DNAH9: variants seen among roughly 807,000 people sequenced by gnomAD.
DNAH9 encodes DNAH9 variant protein.
DNAH9 carries 345 observed loss-of-function variants against 471.6 expected under a neutral mutation model. That is an observed-to-expected ratio of 0.73 (90% CI 0.67 to 0.80). DNAH9 has a LOEUF of 0.80. DNAH9 is among the 30% of genes least tolerant of loss of function. The pLI is 0.00. For synonymous variants in DNAH9, 2,093 were observed against 2,123.6 expected, an observed-to-expected ratio of 0.99 and a Z score of 0.40; for missense variants, 5,407 against 5,609.2, an observed-to-expected ratio of 0.96 and a Z score of 1.15.
At position 11,937,624 on chromosome 17, in the gene DNAH9, C is replaced by A; in HGVS notation, c.12660+102C>A. 7.5e-7 allele frequency: 1 copy of A among 1,327,506 alleles called. No individual in the cohort carries two copies. Among genetic ancestry groups the A allele is most frequent in the Non-Finnish European group, 1.0e-6 (1 of 1,003,066 alleles). 82.2% of individuals were successfully genotyped at this position (1,327,506 alleles called of 1,614,324 possible). Reference sequence around the variant, plus strand: ...CCATTTTGGCAGTACACAGCATAGACAACACACAAAGCACCAACCACCTGC... The same window carrying A: ...CCATTTTGGCAGTACACAGCATAGAAAACACACAAAGCACCAACCACCTGC... On this transcript the variant is annotated intron_variant, in intron 66 of 68. Transcript: ENST00000262442. This position sits in a 1 kb window ranked among gnomAD's most constrained non-coding sequence, Gnocchi z 4.1.
intron 6 of DNAH9, among the ~76,000 whole-genome samples, chr17:11,627,837 A>G (rs750836446): frequency 3.0e-4 from 46 of 152,278 alleles, no homozygotes; most frequent in Non-Finnish European, 6.2e-4. Context: ...CTCCTTGCCA[A>G]GCAGGGAAAG....
In DNAH9 at chr17:11,734,241, C is replaced by T. The variant is rs527535222; in HGVS notation, c.5815-4639C>T. The stretch of plus-strand genomic sequence containing the variant: ...CAGAATCTTCATGTTAACACACCCT[C>T]CAGTGATTACTACGCACAATAAAAT... On this transcript the variant is annotated intron_variant, in intron 28 of 68. Transcript: ENST00000262442. Among the ~76,000 whole-genome samples the T allele has an allele frequency of 2.4e-4, 36 of 152,304 alleles. No homozygotes were observed. The South Asian group carries it at 3.5e-3, about 15-fold the overall frequency.
chr17:11,902,849 C>G lies in DNAH9; in HGVS notation c.11537C>G (p.Thr3846Arg). The part of the protein sequence containing the change: ...EKLPQEWKNK[T>R]ALQRLCMLRA... Reference sequence around the variant, plus strand: ...CTCCCACAGGAGTGGAAGAACAAGACAGCCCTGCAGCGCCTCTGCATGCTG... The same window carrying G: ...CTCCCACAGGAGTGGAAGAACAAGAGAGCCCTGCAGCGCCTCTGCATGCTG... The change falls in exon 60 of 69, where the codon ACA becomes AGA. Residue 3846 changes from threonine (T) to arginine (R), a missense_variant. Physicochemically the swap from Thr to Arg is moderately conservative, Grantham distance 71. Transcript: ENST00000262442. 1 of 1,613,974 alleles carries G rather than the reference C, an allele frequency of 6.2e-7. No individual in the cohort carries two copies.
intron 28 of DNAH9, among the ~76,000 whole-genome samples, chr17:11,729,731 C>T (rs572169796): frequency 6.6e-6 from 1 of 152,340 alleles, no homozygotes; most frequent in East Asian, 1.9e-4. Context: ...ACTGAGCCAG[C>T]ATCATCCTTG....
chr17:11,796,727 C>G (rs779133389), intron 42 of DNAH9, among the ~76,000 whole-genome samples: 2 of 152,216 alleles, frequency 1.3e-5, no homozygotes, highest in East Asian at 3.9e-4. Context: ...TCTTAGAAAG[C>G]CTATTCTTTC....
intron 36 of DNAH9, among the ~76,000 whole-genome samples, 190 bp downstream of exon 36, chr17:11,763,804 T>G (rs1476612999): frequency 6.6e-6 from 1 of 152,214 alleles, no homozygotes; most frequent in Non-Finnish European, 1.5e-5. Context: ...TAGGGTGAGA[T>G]ACATGAGGTC....
At chr17:11,783,777 C>T in intron 40 of DNAH9, 29 bp downstream of exon 40, 2 of 1,571,732 alleles carry the variant, frequency 1.3e-6, no homozygotes, top group Non-Finnish European at 1.8e-6. Flanking sequence ...GACCTGGGTC[C>T]TAATCCTATC....
At chr17:11,885,825 C>T (rs992792668) in intron 56 of DNAH9, among the ~76,000 whole-genome samples, 11 of 152,098 alleles carry the variant, frequency 7.2e-5, no homozygotes, top group Non-Finnish European at 1.0e-4. Context: ...TTGTAATACT[C>T]CTGCAGTTTG....
Position 11,608,765 on chromosome 17 carries a change from C to G in DNAH9, c.614+440C>G, listed in dbSNP as rs375927101. Among the ~76,000 whole-genome samples the G allele has an allele frequency of 2.0e-3, 307 of 152,298 alleles. 2 individuals carry two copies. The highest frequency in any genetic ancestry group is 7.2e-3 in the African/African-American group (299 of 41,552). On this transcript the variant is annotated intron_variant, in intron 2 of 68. Coordinates refer to ENST00000262442, the MANE Select transcript of DNAH9 (RefSeq NM_001372.4). ...TGTTACAGTTCCAGACTCTCCTCCC[C>G]CAGCAGCTGAAGACTTTTTACAGGT...
Position 11,969,296 on chromosome 17 carries a change from T to A in DNAH9, c.13234-4T>A, listed in dbSNP as rs374732539. 9.3e-6 allele frequency: 15 copies of A among 1,613,394 alleles called. No homozygotes were observed. The highest frequency in any genetic ancestry group is 1.3e-5 in the Non-Finnish European group (15 of 1,179,698). On this transcript the variant is annotated splice_region_variant and splice_polypyrimidine_tract_variant and intron_variant, in intron 68 of 68. Coordinates refer to ENST00000262442, the MANE Select transcript of DNAH9 (RefSeq NM_001372.4). Reference sequence around the variant, plus strand: ...AGGTGCCTCTTCTCATGTTTTATCCTCAGGCTGGGATCATTACAGAGGCAA... The same window carrying A: ...AGGTGCCTCTTCTCATGTTTTATCCACAGGCTGGGATCATTACAGAGGCAA...
chr17:11,919,808 G>A (rs1974076926), intron 61 of DNAH9, among the ~76,000 whole-genome samples: 1 of 151,886 alleles, frequency 6.6e-6, no homozygotes, highest in South Asian at 2.1e-4. Flanking sequence ...AGGTAAAGCT[G>A]AAATTAGAAA....
intron 12 of DNAH9, among the ~76,000 whole-genome samples, chr17:11,647,474 A>G (rs1020746175): frequency 2.0e-5 from 3 of 152,056 alleles, no homozygotes; most frequent in African/African-American, 7.2e-5. Context: ...TTTGGGATGA[A>G]TTCTGGGGTG....
chr17:11,842,651 C>A (rs919669675), intron 49 of DNAH9, among the ~76,000 whole-genome samples: 3 of 152,140 alleles, frequency 2.0e-5, no homozygotes, highest in Non-Finnish European at 4.4e-5. Flanking sequence ...AAGAACTTGG[C>A]GTCTGATGTT....
chr17:11,675,994 C>A (rs775957921), intron 17 of DNAH9, among the ~76,000 whole-genome samples: 3 of 151,878 alleles, frequency 2.0e-5, no homozygotes, highest in Middle Eastern at 3.4e-3. Context: ...TTGGTGTAAT[C>A]TTGAAATTTT....
chr17:11,765,619 G>T (rs1178303231), intron 36 of DNAH9, among the ~76,000 whole-genome samples: 1 of 152,152 alleles, frequency 6.6e-6, no homozygotes, highest in Non-Finnish European at 1.5e-5. Context: ...GAGGCAGAAA[G>T]GGAAGTCTCC....
rs1888459186 is a variant in DNAH9 at position 11,822,430 on chromosome 17, C to A, written c.8851-8C>A. ...TTCCTGGTTCTCCCCACCCTTCTGA[C>A]TTCTCAGGTGACTCTCTGTTTCTCC... On this transcript the variant is annotated splice_region_variant and splice_polypyrimidine_tract_variant and intron_variant, in intron 46 of 68. Coordinates refer to ENST00000262442, the MANE Select transcript of DNAH9 (RefSeq NM_001372.4). The A allele has an allele frequency of 6.2e-7, 1 of 1,614,128 alleles. No individual in the cohort carries two copies. Among genetic ancestry groups the A allele is most frequent in the Non-Finnish European group, 8.5e-7 (1 of 1,179,992 alleles).
intron 27 of DNAH9, among the ~76,000 whole-genome samples, chr17:11,720,599 C>A (rs1422006787): frequency 6.6e-6 from 1 of 152,118 alleles, no homozygotes; most frequent in Non-Finnish European, 1.5e-5. Context: ...AAGTCATGTG[C>A]TATATTGACT....
intron 22 of DNAH9, among the ~76,000 whole-genome samples, chr17:11,695,361 C>T (rs193230950): frequency 6.6e-6 from 1 of 152,268 alleles, no homozygotes; most frequent in East Asian, 1.9e-4. Flanking sequence ...CCAGGAAATA[C>T]TGGCCAAACT....
At chr17:11,852,814 G>GTGTGTGTGTATATATA (rs1169950713) in intron 49 of DNAH9, among the ~76,000 whole-genome samples, 1 of 92,680 alleles carries the variant, frequency 1.1e-5, no homozygotes. Context: ...GTGTGTGTGT[G>GTGTGTGTGTATATATA]TATATATATA....
Sources: allele counts gnomAD v4.1 joint callset (sites outside exome capture counted in the v4.1 genomes callset), GRCh38; gene constraint gnomAD v4.1.1; non-coding constraint Gnocchi (gnomAD v3.1); transcripts MANE v1.5; gene names NCBI Gene and HGNC (gene_info 2026-07-23, HGNC 2026-07-21).